ACD: variants seen among roughly 807,000 people sequenced by gnomAD.
The protein encoded by ACD is ACD shelterin complex subunit and telomerase recruitment factor.
Under a neutral mutation model 53.9 loss-of-function variants are expected in ACD, and 39 were observed. The observed-to-expected ratio is 0.72, with a 90% confidence interval of 0.56 to 0.95. The LOEUF is 0.95. Ranked by LOEUF, ACD falls within the 40% of genes least tolerant of loss-of-function variation. The pLI is 0.00. For synonymous variants in ACD, 273 were observed against 249.2 expected (o/e 1.10, Z -0.90); for missense variants, 526 against 587.9 (o/e 0.89, Z 1.09).
chr16:67,657,585 G>C lies in ACD; in HGVS notation c.*21C>G. The C allele has an allele frequency of 6.2e-7, 1 of 1,614,106 alleles. No individual in the cohort carries two copies. Among genetic ancestry groups the C allele is most frequent in the Non-Finnish European group, 8.5e-7 (1 of 1,179,990 alleles). The stretch of plus-strand genomic sequence containing the variant: ...CTCAAAGGAAGCAGAGTGTGGAGCG[G>C]TATCTGTCCTGCGTGACGTCTCACA... On this transcript the variant is annotated 3_prime_UTR_variant, in exon 12 of 12. Coordinates refer to ENST00000620761, the MANE Select transcript of ACD (RefSeq NM_001082486.2). The surrounding 1 kb of genome is among the most constrained non-coding windows in gnomAD (Gnocchi z 4.5).
In ACD at chr16:67,660,108, G is replaced by C; in HGVS notation, c.99+14C>G. 6.2e-7 allele frequency: 1 copy of C among 1,612,414 alleles called. No individual in the cohort carries two copies. Among genetic ancestry groups the C allele is most frequent in the Non-Finnish European group, 8.5e-7 (1 of 1,179,862 alleles). ...GCCTCCGCCTCGGTCTCCGGGCCCT[G>C]AATGGGGGCTCACCTCAAGCAGCTG... On this transcript the variant is annotated intron_variant, in intron 1 of 11. Coordinates refer to ENST00000620761, the MANE Select transcript of ACD (RefSeq NM_001082486.2).
intron 4 of ACD, 46 bp from the exon 5 acceptor site, chr16:67,659,465 C>A: frequency 6.2e-7 from 1 of 1,614,010 alleles, no homozygotes; most frequent in South Asian, 1.1e-5. Context: ...AGCCCTCCTA[C>A]CCCATAGGCG....
rs1206846589 is a variant in ACD, at chr16:67,657,850, G to T, written c.1210C>A (p.Pro404Thr). 6.2e-7 allele frequency: 1 copy of T among 1,613,932 alleles called. No individual in the cohort carries two copies. Among genetic ancestry groups the T allele is most frequent in the African/African-American group, 1.3e-5 (1 of 74,910 alleles). Residue 404 changes from proline to threonine, a missense_variant, in exon 11 of 12, where the codon CCC (proline) becomes ACC (threonine). Transcript: ENST00000620761. The surrounding 1 kb of genome is among the most constrained non-coding windows in gnomAD (Gnocchi z 4.5). ...GAQEPCSVWE[P>T]PKRHRDGSAF... Reference sequence around the variant, plus strand: ...GAACCATCACGATGCCTCTTTGGGGGTTCCTGAAAGGGGTATGGTGTCTGG... The same window carrying T: ...GAACCATCACGATGCCTCTTTGGGGTTTCCTGAAAGGGGTATGGTGTCTGG...
In ACD at chr16:67,660,248, C is replaced by G. The variant is rs1463615796; in HGVS notation, c.-28G>C. 1 of 1,612,532 alleles carries G rather than the reference C, an allele frequency of 6.2e-7. No homozygotes were observed. The highest frequency in any genetic ancestry group is 8.5e-7 in the Non-Finnish European group (1 of 1,179,892). On this transcript the variant is annotated 5_prime_UTR_variant, in exon 1 of 12. Transcript: ENST00000620761. ...CCACGGCTACACCCAGCGGATGCAA[C>G]GGGCCCGGGTTTCCCGCGGGCGCCC...
chr16:67,659,712 T>A lies in ACD; in HGVS notation c.326A>T (p.Glu109Val), dbSNP rs770621727. ...AGTCTCACCACTCACCGCGCCGCCCTCAGCGACCTGGACATGAACCCCGCA... is the reference window on the plus strand; with the variant it reads ...AGTCTCACCACTCACCGCGCCGCCCACAGCGACCTGGACATGAACCCCGCA... ...QDCGVHVQVAEGGAPAEFYLQ... is the reference protein window; with the variant it reads ...QDCGVHVQVAVGGAPAEFYLQ... The change falls in exon 3 of 12, where the codon GAG (glutamate) becomes GTG (valine). Residue 109 changes from glutamate (E) to valine (V), a missense_variant. Glu to Val is a moderately radical substitution (Grantham distance 121). Transcript: ENST00000620761. The A allele has an allele frequency of 6.8e-6, 11 of 1,613,254 alleles. No homozygotes were observed. The South Asian group carries it at 1.1e-4, about 16-fold the overall frequency.
rs2052910321 is a variant in ACD, at chr16:67,658,046, A to G, written c.1146T>C (p.Asn382=). Reference sequence around the variant, plus strand: ...CTCCGGTCCTGGGAAAAGGCGGCCGATTCTTGCAGGGCAACCCTACAAACT... The same window carrying G: ...CTCCGGTCCTGGGAAAAGGCGGCCGGTTCTTGCAGGGCAACCCTACAAACT... ...FKEFVGLPCK[N]RPPFPRTGAT... is the part of the protein sequence containing the mutation. The change falls in exon 10 of 12, where the codon AAT becomes AAC. Residue 382 remains asparagine (N), a synonymous_variant. Transcript: ENST00000620761. The G allele has an allele frequency of 1.3e-6, 2 of 1,548,208 alleles. No homozygotes were observed. Among genetic ancestry groups the G allele is most frequent in the East Asian group, 2.2e-5 (1 of 44,468 alleles).
chr16:67,660,070 C>G, intron 1 of ACD, 25 bp from the exon 2 acceptor site: 3 of 1,609,730 alleles, frequency 1.9e-6, no homozygotes, highest in Non-Finnish European at 2.5e-6. Context: ...CGGCGTCAAT[C>G]CCACCACCCC....
Position 67,660,106 on chromosome 16 carries a change from C to T in ACD, c.99+16G>A, listed in dbSNP as rs1201520069. ...GGGCCTCCGCCTCGGTCTCCGGGCC[C>T]TGAATGGGGGCTCACCTCAAGCAGC... is the stretch of plus-strand genomic sequence containing the variant. On this transcript the variant is annotated intron_variant, in intron 1 of 11. Coordinates refer to ENST00000620761, the MANE Select transcript of ACD (RefSeq NM_001082486.2). The T allele has an allele frequency of 6.2e-7, 1 of 1,612,300 alleles. No homozygotes were observed. Among genetic ancestry groups the T allele is most frequent in the Non-Finnish European group, 8.5e-7 (1 of 1,179,792 alleles).
At position 67,658,141 on chromosome 16, in the gene ACD, G is replaced by C. The variant is rs376242489; in HGVS notation, c.1051C>G (p.Arg351Gly). ...LQSCTPSLSP[R>G]SHVPSPHQAL... ...TGGTGTGGACTGGGGACATGGCTAC[G>C]GGGTGAGAGACTGGGAGTGCAGCTC... Residue 351 changes from arginine (R) to glycine (G), a missense_variant, in exon 10 of 12, where the codon CGT becomes GGT. Transcript: ENST00000620761. 6.2e-7 allele frequency: 1 copy of C among 1,601,990 alleles called. No homozygotes were observed. Among genetic ancestry groups the C allele is most frequent in the African/African-American group, 1.3e-5 (1 of 74,690 alleles).
In ACD at chr16:67,658,576, G is replaced by T. The variant is rs776932197; in HGVS notation, c.808C>A (p.Pro270Thr). The change falls in exon 9 of 12, where the codon CCT (proline) becomes ACT (threonine). Residue 270 changes from proline to threonine, a missense_variant. Pro to Thr is a conservative substitution (Grantham distance 38, BLOSUM62 -1). Transcript: ENST00000620761. ...DLSLTLIASP[P>T]SSPSSSGTPA... ...TCACCTGAGGAACTGGGTGAGGAAG[G>T]AGGAGAGGCTATGAGGGTCAGAGAT... 1 of 1,570,954 alleles carries T rather than the reference G, an allele frequency of 6.4e-7. No homozygotes were observed. The highest frequency in any genetic ancestry group is 1.4e-5 in the African/African-American group (1 of 74,068).
At chr16:67,659,333 C>T (rs1460011437) in intron 5 of ACD, 42 bp downstream of exon 5, 1 of 1,614,102 alleles carries the variant, frequency 6.2e-7, no homozygotes, top group Non-Finnish European at 8.5e-7. Flanking sequence ...ACCATCCCCT[C>T]ACCAAACAAC....
In ACD at chr16:67,658,233, C is replaced by T. The variant is rs780639186; in HGVS notation, c.959G>A (p.Cys320Tyr). The change falls in exon 10 of 12, where the codon TGC (cysteine) becomes TAC (tyrosine). Residue 320 changes from cysteine to tyrosine, a missense_variant. Physicochemically the swap from Cys to Tyr is radical, Grantham distance 194. Transcript: ENST00000620761. Reference protein sequence around the residue: ...RSSSQPSPAICSAPATLTPRS... With the variant: ...RSSSQPSPAIYSAPATLTPRS... ...GGGGGTCAGGGTGGCAGGGGCTGAG[C>T]AGATGGCTGGTGAGGGCTGGGAGCT... 1.2e-6 allele frequency: 2 copies of T among 1,613,346 alleles called. No homozygotes were observed. The highest frequency in any genetic ancestry group is 8.5e-7 in the Non-Finnish European group (1 of 1,179,984).
At position 67,659,550 on chromosome 16, in the gene ACD, G is replaced by GCTT. The variant is rs781239912; in HGVS notation, c.399_400insAAG (p.Leu133_Arg134insLys). ...GGCATCACTTACCAACCAGGCACCC[G>GCTT]TAGCCGGGGCTGCTCCGTGGGCAGC... On this transcript the variant is annotated inframe_insertion, in exon 4 of 12. Coordinates refer to ENST00000620761, the MANE Select transcript of ACD (RefSeq NM_001082486.2). The GCTT allele has an allele frequency of 3.7e-5, 59 of 1,613,072 alleles. No individual in the cohort carries two copies. Among genetic ancestry groups the GCTT allele is most frequent in the African/African-American group, 5.3e-5 (4 of 75,050 alleles).
In ACD at chr16:67,657,887, C is replaced by G; in HGVS notation, c.1207-34G>C. The G allele has an allele frequency of 6.2e-7, 1 of 1,613,704 alleles. No individual in the cohort carries two copies. Among genetic ancestry groups the G allele is most frequent in the Non-Finnish European group, 8.5e-7 (1 of 1,179,914 alleles). On this transcript the variant is annotated intron_variant, in intron 10 of 11. Coordinates refer to ENST00000620761, the MANE Select transcript of ACD (RefSeq NM_001082486.2). The surrounding 1 kb of genome is among the most constrained non-coding windows in gnomAD (Gnocchi z 4.5). ...GGTATGGTGTCTGGGGAAGAGCTAA[C>G]AAGGACCCCAACCCCATCCAAGGCT...
chr16:67,659,100 G>A, intron 6 of ACD, 21 bp from the exon 7 acceptor site: 2 of 1,613,006 alleles, frequency 1.2e-6, no homozygotes, highest in South Asian at 1.1e-5. Flanking sequence ...GGGACCATGG[G>A]ATGAGTCAAG....
chr16:67,658,621 CTG>C lies in ACD; in HGVS notation c.761_762del (p.Pro254ArgfsTer98). On this transcript the variant is annotated frameshift_variant, in exon 9 of 12. Coordinates refer to ENST00000620761, the MANE Select transcript of ACD (RefSeq NM_001082486.2). LOFTEE classifies it high-confidence loss of function. ...QRTQGPELPP[P>X]DPALQDLSLT... ...AGAGATAGGTCCTGCAGAGCCGGGT[CTG>C]GTGGGGGCAGCTCAGGGCCTGGGGG... 6.3e-7 allele frequency: 1 copy of C among 1,576,996 alleles called. No homozygotes were observed. Among genetic ancestry groups the C allele is most frequent in the Non-Finnish European group, 8.6e-7 (1 of 1,160,474 alleles).
intron 7 of ACD, 52 bp from the exon 8 acceptor site, chr16:67,658,868 G>A (rs748188921): frequency 6.2e-7 from 1 of 1,603,704 alleles, no homozygotes; most frequent in South Asian, 1.1e-5. Context: ...ATGTCCTGTG[G>A]GATATGACCC....
rs1221266879 is a variant in ACD, at chr16:67,658,789, A to T, written c.673T>A (p.Ser225Thr). The T allele has an allele frequency of 6.2e-7, 1 of 1,613,450 alleles. No individual in the cohort carries two copies. Among genetic ancestry groups the T allele is most frequent in the East Asian group, 2.2e-5 (1 of 44,864 alleles). Reference sequence around the variant, plus strand: ...TCATTCTCAGAGATGCACAGCATTGAGCTGGGGACAGTGTACACAGCTTCT... The same window carrying T: ...TCATTCTCAGAGATGCACAGCATTGTGCTGGGGACAGTGTACACAGCTTCT... ...TGEAVYTVPS[S>T]MLCISENDQL... The change falls in exon 8 of 12, where the codon TCA (serine) becomes ACA (threonine). Residue 225 changes from serine to threonine, a missense_variant. Coordinates refer to ENST00000620761, the MANE Select transcript of ACD (RefSeq NM_001082486.2).
Position 67,660,128 on chromosome 16 carries a change from C to CAGCT in ACD, c.89_92dup (p.Leu32AlafsTer3), listed in dbSNP as rs1567642622. The CAGCT allele has an allele frequency of 1.9e-6, 3 of 1,612,572 alleles. No individual in the cohort carries two copies. The highest frequency in any genetic ancestry group is 2.5e-6 in the Non-Finnish European group (3 of 1,179,906). Reference sequence around the variant, plus strand: ...GCCCTGAATGGGGGCTCACCTCAAGCAGCTGCCCGGCTCGTGGACTGGAGG... The same window carrying CAGCT: ...GCCCTGAATGGGGGCTCACCTCAAGCAGCTAGCTGCCCGGCTCGTGGACTGGAGG... On this transcript the variant is annotated frameshift_variant, in exon 1 of 12. Coordinates refer to ENST00000620761, the MANE Select transcript of ACD (RefSeq NM_001082486.2). LOFTEE classifies it high-confidence loss of function.
Sources: gnomAD v4.1 joint callset for allele counts on GRCh38, gnomAD v4.1.1 for gene constraint, Gnocchi (gnomAD v3.1) non-coding constraint, MANE v1.5 for transcripts, NCBI Gene and HGNC (gene_info 2026-07-23, HGNC 2026-07-21) for gene names.